ACYP1: variants seen among roughly 807,000 people sequenced by gnomAD.
ACYP1 encodes the protein acylphosphatase-1.
A neutral mutation model predicts 10.4 loss-of-function variants in ACYP1; 8 were observed. The ratio of observed to expected loss-of-function variants is 0.77; its 90% confidence interval spans 0.45 to 1.38. The LOEUF (loss-of-function observed/expected upper bound fraction) is 1.38. Among genes scored for constraint, ACYP1 ranks in the 40% most tolerant of loss-of-function variants. The pLI, the probability that ACYP1 is intolerant of heterozygous loss-of-function variation, is 0.00. For synonymous variants in ACYP1, 38 were observed against 40.8 expected (o/e 0.93, Z 0.26); for missense variants, 93 against 117.3 (o/e 0.79, Z 0.96).
chr14:75,061,741 T>C (rs772750885), intron 2 of ACYP1: 4 of 1,589,982 alleles, frequency 2.5e-6, no homozygotes, highest in Non-Finnish European at 3.4e-6. Flanking sequence ...GTTTCAGCAA[T>C]TCTGTTTTCA....
At chr14:75,063,706 G>T (rs752451449) in intron 1 of ACYP1, 145 bp from the exon 2 acceptor site, 7 of 730,372 alleles carry the variant, frequency 9.6e-6, no homozygotes, top group Non-Finnish European at 1.6e-5. Flanking sequence ...ATGGAAACGT[G>T]AGTGGATGTG....
exon 1 of ACYP1, chr14:75,069,304 G>A (rs1433978342): frequency 1.4e-6 from 2 of 1,424,736 alleles, no homozygotes; most frequent in Non-Finnish European, 1.8e-6. Context: ...TGCGGCGGAA[G>A]CACGCGGAGG....
chr14:75,063,475 T>A lies in ACYP1; in HGVS notation c.79A>T (p.Thr27Ser). The stretch of plus-strand genomic sequence containing the variant: ...AAAGCCTGCAGGCCACATACCTGAG[T>A]ATGCTTACGGAAAAACACCCCTTGC... ...KVQGVFFRKH[T>S]QAEGKKLGLV... The change falls in exon 2 of 3, where the codon ACT (threonine) becomes TCT (serine). Residue 27 changes from threonine to serine, a missense_variant. Coordinates refer to ENST00000238618, the MANE Select transcript of ACYP1 (RefSeq NM_001107.5). 2 of 1,613,558 alleles carry A rather than the reference T, an allele frequency of 1.2e-6. No individual in the cohort carries two copies. The highest frequency in any genetic ancestry group is 2.7e-5 in the African/African-American group (2 of 75,010).
At chr14:75,054,093 A>G (rs142268001) in intron 2 of ACYP1, among the ~76,000 whole-genome samples, 29 of 152,366 alleles carry the variant, frequency 1.9e-4, no homozygotes, top group African/African-American at 6.3e-4. Context: ...GCCTTTAACC[A>G]GGACCACACG....
chr14:75,069,125 G>T, intron 1 of ACYP1: 1 of 1,308,698 alleles, frequency 7.6e-7, no homozygotes, highest in Non-Finnish European at 1.0e-6. Context: ...AACTACCACG[G>T]AAAGATACTG....
upstream of ACYP1, chr14:75,064,196 AG>A (rs1434973779): frequency 1.0e-5 from 2 of 194,282 alleles, no homozygotes; most frequent in Non-Finnish European, 1.9e-5. Flanking sequence ...GGATCTGTCC[AG>A]GAACTCGGCT....
At chr14:75,057,473 T>C (rs1450510439) in intron 2 of ACYP1, among the ~76,000 whole-genome samples, 1 of 151,552 alleles carries the variant, frequency 6.6e-6, no homozygotes, top group Admixed American at 6.6e-5. Context: ...CCCAGTGCTT[T>C]TGCAGAAATC....
chr14:75,062,223 T>C (rs175506), intron 2 of ACYP1, among the ~76,000 whole-genome samples: 144,701 of 146,478 alleles, frequency 0.99, 71,493 homozygotes, highest in East Asian at 1. Flanking sequence ...CACTTGAGCC[T>C]GGGAGTTTGA....
chr14:75,053,576 G>C lies in ACYP1; in HGVS notation c.168C>G (p.Ile56Met). Residue 56 changes from isoleucine (I) to methionine (M), a missense_variant, in exon 3 of 3, where the codon ATC (isoleucine) becomes ATG (methionine). Physicochemically the swap from Ile to Met is conservative, Grantham distance 10. Transcript: ENST00000238618. Reference sequence around the variant, plus strand: ...ATTCCTGCATATGACGCACCTTGGAGATGGGACCTTGCAATTGTCCTTGCA... The same window carrying C: ...ATTCCTGCATATGACGCACCTTGGACATGGGACCTTGCAATTGTCCTTGCA... ...GTVQGQLQGP[I>M]SKVRHMQEWL... The C allele has an allele frequency of 1.2e-6, 2 of 1,614,168 alleles. No individual in the cohort carries two copies. The highest frequency in any genetic ancestry group is 1.7e-6 in the Non-Finnish European group (2 of 1,180,044).
intron 2 of ACYP1, among the ~76,000 whole-genome samples, chr14:75,054,444 T>G (rs1293376547): frequency 5.9e-5 from 9 of 151,660 alleles, no homozygotes; most frequent in Non-Finnish European, 1.3e-4. Flanking sequence ...TTTATTAAAC[T>G]GTGGCAAGAC....
At chr14:75,064,611 G>C (rs896369713), upstream of ACYP1, among the ~76,000 whole-genome samples, 2 of 152,156 alleles carry the variant, frequency 1.3e-5, no homozygotes, top group Non-Finnish European at 1.5e-5. Flanking sequence ...GCGGGCGCCT[G>C]TAATCCCAGC....
upstream of ACYP1, chr14:75,064,113 C>G (rs1008361166): frequency 2.3e-6 from 2 of 885,510 alleles, no homozygotes; most frequent in Admixed American, 6.1e-5. Flanking sequence ...AGAGACGGCG[C>G]CTCGGCCCGG....
upstream of ACYP1, among the ~76,000 whole-genome samples, chr14:75,068,285 G>A (rs551859410): frequency 6.6e-6 from 1 of 152,178 alleles, no homozygotes; most frequent in South Asian, 2.1e-4. Context: ...AACAGGGCGA[G>A]ATTCCGTCTC....
chr14:75,066,657 G>A (rs190323376), upstream of ACYP1, among the ~76,000 whole-genome samples: 2 of 152,268 alleles, frequency 1.3e-5, no homozygotes, highest in East Asian at 1.9e-4. Flanking sequence ...CCTGAGGTCA[G>A]GAGTTTGAGA....
At chr14:75,055,272 A>G (rs1028979284) in intron 2 of ACYP1, among the ~76,000 whole-genome samples, 1 of 150,766 alleles carries the variant, frequency 6.6e-6, no homozygotes, top group Non-Finnish European at 1.5e-5. Context: ...TATTTTTAGT[A>G]GAGATGGGGT....
At chr14:75,067,992 CT>C (rs1203534915), upstream of ACYP1, among the ~76,000 whole-genome samples, 1 of 143,994 alleles carries the variant, frequency 6.9e-6, no homozygotes. Flanking sequence ...GAGTGAGGCC[CT>C]GTCTCAAAAA....
At chr14:75,067,763 G>A (rs571359068), upstream of ACYP1, among the ~76,000 whole-genome samples, 78 of 152,056 alleles carry the variant, frequency 5.1e-4, no homozygotes, top group Non-Finnish European at 9.6e-4. Flanking sequence ...AGACTGAGGC[G>A]GGAGGATCTC....
chr14:75,066,055 C>T (rs1053305160), upstream of ACYP1, among the ~76,000 whole-genome samples: 4 of 152,204 alleles, frequency 2.6e-5, no homozygotes, highest in African/African-American at 9.7e-5. Context: ...CCTCAGGCCT[C>T]ACCCCTAGAT....
chr14:75,058,417 C>G lies in ACYP1; in HGVS notation c.85-4758G>C, dbSNP rs541926919. 5.3e-5 allele frequency among the ~76,000 whole-genome samples: 8 copies of G among 151,328 alleles called. No individual in the cohort carries two copies. The East Asian group carries it at 1.4e-3, about 26-fold the overall frequency. ...TGAGCCGAGATTGTGTCACTGCACT[C>G]TAGCCTGGGCGACAAGAACAAGACT... is the stretch of plus-strand genomic sequence containing the variant. On this transcript the variant is annotated intron_variant, in intron 2 of 2. Coordinates refer to ENST00000238618, the MANE Select transcript of ACYP1 (RefSeq NM_001107.5).
Sources: allele counts gnomAD v4.1 joint callset (sites outside exome capture counted in the v4.1 genomes callset), GRCh38; gene constraint gnomAD v4.1.1; transcripts MANE v1.5; gene names NCBI Gene and HGNC (gene_info 2026-07-23, HGNC 2026-07-21).